APP: variants seen among roughly 807,000 people sequenced by gnomAD.
APP encodes the protein amyloid beta precursor protein.
A neutral mutation model predicts 101.4 loss-of-function variants in APP; 31 were observed. That is an observed-to-expected ratio of 0.31 (90% confidence interval 0.23 to 0.41). APP has a LOEUF of 0.41. Ranked by LOEUF, APP falls within the 10% of genes least tolerant of loss-of-function variation. The pLI is 1.00. For missense variants in APP, 839 were observed against 1,003.7 expected (o/e 0.84, Z 2.22); for synonymous variants, 366 against 364.4 (o/e 1.00, Z -0.05).
chr21:26,113,925 T>A, intron 1 of APP, among the ~76,000 whole-genome samples: 1 of 152,192 alleles, frequency 6.6e-6, no homozygotes. Flanking sequence ...TACCTGTGGA[T>A]AAGGCCCTAC....
At chr21:25,897,705 C>T (rs1266741976) in intron 15 of APP, 32 bp from the exon 16 acceptor site, 1 of 1,549,438 alleles carries the variant, frequency 6.5e-7, no homozygotes, top group Non-Finnish European at 8.9e-7. Context: ...GTATGCAGGA[C>T]AACCAATTAG....
intron 8 of APP, among the ~76,000 whole-genome samples, chr21:25,993,558 A>T (rs1378379729): frequency 6.6e-6 from 1 of 152,242 alleles, no homozygotes; most frequent in Non-Finnish European, 1.5e-5. Flanking sequence ...AGCAACTTCC[A>T]CTTTACCTTG....
At chr21:25,884,562 A>G (rs1000259801) in intron 17 of APP, among the ~76,000 whole-genome samples, 3 of 151,444 alleles carry the variant, frequency 2.0e-5, no homozygotes, top group Non-Finnish European at 4.4e-5. Context: ...TAGCACCAAT[A>G]ATGAGAGATT....
chr21:25,982,758 C>T (rs946159734), intron 8 of APP, among the ~76,000 whole-genome samples: 1 of 152,104 alleles, frequency 6.6e-6, no homozygotes, highest in African/African-American at 2.4e-5. Flanking sequence ...AACAAGCATG[C>T]AAAGAGCAAA....
At chr21:26,118,856 C>A (rs1199039289) in intron 1 of APP, among the ~76,000 whole-genome samples, 1 of 151,036 alleles carries the variant, frequency 6.6e-6, no homozygotes, top group African/African-American at 2.4e-5. Flanking sequence ...TAAAGTTTTA[C>A]TGACATGTCT....
intron 14 of APP, among the ~76,000 whole-genome samples, chr21:25,905,483 C>T: frequency 6.6e-6 from 1 of 152,188 alleles, no homozygotes. Flanking sequence ...CCAATCTTAT[C>T]TTATTTTACA....
intron 5 of APP, among the ~76,000 whole-genome samples, chr21:26,039,483 T>C (rs2045276567): frequency 6.6e-6 from 1 of 152,246 alleles, no homozygotes; most frequent in African/African-American, 2.4e-5. Context: ...AATAAAATGG[T>C]GCTATGCTAT....
chr21:25,969,347 CAAAAAAAAAAA>C (rs60834302), intron 11 of APP, among the ~76,000 whole-genome samples: 29 of 55,674 alleles, frequency 5.2e-4, no homozygotes, highest in Non-Finnish European at 1.0e-3. Context: ...GACTCTGTCT[CAAAAAAAAAAA>C]AAAAAAAAAA....
intron 13 of APP, among the ~76,000 whole-genome samples, chr21:25,939,681 G>T (rs2040494854): frequency 6.6e-6 from 1 of 152,068 alleles, no homozygotes; most frequent in African/African-American, 2.4e-5. Flanking sequence ...TTTTTCTCAT[G>T]ATACTGACAT....
At chr21:26,002,071 G>A (rs931209756) in intron 6 of APP, among the ~76,000 whole-genome samples, 4 of 152,244 alleles carry the variant, frequency 2.6e-5, no homozygotes, top group African/African-American at 7.2e-5. Flanking sequence ...TGCTTTGGGA[G>A]CGTGGACTTT....
Position 25,891,707 on chromosome 21 carries a change from G to T in APP, c.2211+15C>A, listed in dbSNP as rs775632358. The T allele has an allele frequency of 6.2e-7, 1 of 1,613,256 alleles. No individual in the cohort carries two copies. The highest frequency in any genetic ancestry group is 8.5e-7 in the Non-Finnish European group (1 of 1,179,280). On this transcript the variant is annotated intron_variant, in intron 17 of 17. Coordinates refer to ENST00000346798, the MANE Select transcript of APP (RefSeq NM_000484.4). The stretch of plus-strand genomic sequence containing the variant: ...CTTAATTCCCACTTGGAAACATGCA[G>T]TCAAGTTTACCTACCTCCACCACAC...
intron 3 of APP, among the ~76,000 whole-genome samples, chr21:26,089,315 T>C (rs1057098062): frequency 1.1e-4 from 16 of 152,186 alleles, no homozygotes; most frequent in African/African-American, 3.9e-4. Context: ...AAGAGCACGA[T>C]ACCACATAAA....
intron 8 of APP, among the ~76,000 whole-genome samples, chr21:25,987,167 A>G (rs887806002): frequency 7.9e-5 from 12 of 152,176 alleles, no homozygotes; most frequent in African/African-American, 2.9e-4. Flanking sequence ...TGCCCCAAAC[A>G]CTATCTGGCA....
At position 25,953,490 on chromosome 21, in the gene APP, C is replaced by T. The variant is rs141464104; in HGVS notation, c.1687+1100G>A. Among the ~76,000 whole-genome samples the T allele has an allele frequency of 4.8e-3, 724 of 152,282 alleles. 2 individuals carry two copies. Among genetic ancestry groups the T allele is most frequent in the African/African-American group, 0.017 (687 of 41,556 alleles). On this transcript the variant is annotated intron_variant, in intron 13 of 17. Transcript: ENST00000346798. The stretch of plus-strand genomic sequence containing the variant: ...TTACTGTAATGGGTACATCCATCTA[C>T]AACATCCTGGGTGCTCTGATTCCAG...
chr21:25,965,841 C>T (rs943700244), intron 11 of APP, among the ~76,000 whole-genome samples: 2 of 152,106 alleles, frequency 1.3e-5, no homozygotes, highest in Admixed American at 1.3e-4. Flanking sequence ...CATTTTCATT[C>T]TCAAAGATAA....
intron 16 of APP, among the ~76,000 whole-genome samples, chr21:25,896,413 A>AACACTCAC (rs1482642683): frequency 7.0e-6 from 1 of 143,680 alleles, no homozygotes; most frequent in Non-Finnish European, 1.6e-5. Flanking sequence ...GGAAAAAAGT[A>AACACTCAC]ACACTCACAC....
At chr21:26,064,140 A>C (rs1337870683) in intron 3 of APP, among the ~76,000 whole-genome samples, 1 of 152,226 alleles carries the variant, frequency 6.6e-6, no homozygotes, top group African/African-American at 2.4e-5. Context: ...CCAAGAGGAA[A>C]GGAGGCTATG....
At chr21:26,121,590 G>A (rs1406610060) in intron 1 of APP, among the ~76,000 whole-genome samples, 3 of 152,120 alleles carry the variant, frequency 2.0e-5, no homozygotes, top group Non-Finnish European at 4.4e-5. Flanking sequence ...GTTTCATCAT[G>A]TTGGTCAGGC....
At chr21:26,074,876 A>C (rs990542424) in intron 3 of APP, among the ~76,000 whole-genome samples, 6 of 152,218 alleles carry the variant, frequency 3.9e-5, no homozygotes, top group Non-Finnish European at 8.8e-5. Flanking sequence ...TTTACTAGAC[A>C]TGTGTAGGAT....
Sources: gnomAD v4.1 joint callset for allele counts (sites outside exome capture counted in the v4.1 genomes callset) on GRCh38, gnomAD v4.1.1 for gene constraint, MANE v1.5 for transcripts, NCBI Gene and HGNC (gene_info 2026-07-23, HGNC 2026-07-21) for gene names.